Variants in PEDS1 observed in about 807,000 individuals in gnomAD.
PEDS1 encodes CarF homolog.
Under a neutral mutation model 35.2 loss-of-function variants are expected in PEDS1, and 14 were observed. That is an observed-to-expected ratio of 0.40 (90% confidence interval 0.26 to 0.62). The LOEUF is 0.62. Ranked by LOEUF, PEDS1 falls within the 20% of genes least tolerant of loss-of-function variation. The probability of loss-of-function intolerance (pLI) is 0.44; values close to 1 mark genes in which losing one functional copy is unlikely to be tolerated. For missense variants in PEDS1, 260 were observed against 367.8 expected (o/e 0.71, Z 2.40); for synonymous variants, 152 against 152.0 (o/e 1.00, Z 0.00).
In PEDS1 at chr20:50,131,019, C is replaced by A. The variant is rs771360046; in HGVS notation, c.242-72G>T. ...TCAGAATCACTCATTCATTTACTCA[C>A]TTGCCCGCTCATTCATTTGTTAGGA... On this transcript the variant is annotated intron_variant, in intron 2 of 5. Transcript: ENST00000371652. 6.8e-6 allele frequency: 11 copies of A among 1,612,058 alleles called. No individual in the cohort carries two copies. The African/African-American group carries it at 1.2e-4, about 18-fold the overall frequency.
At position 50,119,502 on chromosome 20, in the gene PEDS1, AAAT is replaced by A; in HGVS notation, c.*5553_*5555del. ...AGGTGGAACACTATGCAGCTGTAAA[AAAT>A]AATAATGGTTTGTGAACATTAATGA... On this transcript the variant is annotated 3_prime_UTR_variant, in exon 6 of 6. Transcript: ENST00000371652. 1 of 152,232 alleles carries A rather than the reference AAAT, an allele frequency of 6.6e-6. No homozygotes were observed. The highest frequency in any genetic ancestry group is 6.5e-5 in the Admixed American group (1 of 15,286). The allele number at this position is 152,232 out of a possible 1,614,324, so 9.4% of individuals were successfully genotyped here. A position where few individuals can be genotyped will look rare whatever the true frequency, so the allele number is the denominator to read the frequency against.
rs1428655454 is a variant in PEDS1, at chr20:50,123,070, C to A, written c.*1988G>T. 6.6e-6 allele frequency: 1 copy of A among 152,122 alleles called. No homozygotes were observed. Among genetic ancestry groups the A allele is most frequent in the Admixed American group, 6.6e-5 (1 of 15,258 alleles). The allele number at this position is 152,122 out of a possible 1,614,324, so 9.4% of individuals were successfully genotyped here. A position where few individuals can be genotyped will look rare whatever the true frequency, so the allele number is the denominator to read the frequency against. On this transcript the variant is annotated 3_prime_UTR_variant, in exon 6 of 6. Transcript: ENST00000371652. The stretch of plus-strand genomic sequence containing the variant: ...CACCTCTGCACTTTAGCCTGGGTGA[C>A]AGAGCATGACCCTGTCTCTAAAAAC...
intron 1 of PEDS1, chr20:50,151,156 G>A (rs1006328898): frequency 2.0e-6 from 2 of 990,766 alleles, no homozygotes; most frequent in Non-Finnish European, 2.8e-6. Context: ...GATAGAAGCA[G>A]AGAGGCCAGT....
intron 2 of PEDS1, among the ~76,000 whole-genome samples, chr20:50,134,496 G>A (rs1053833341): frequency 2.0e-5 from 3 of 152,176 alleles, no homozygotes; most frequent in Admixed American, 6.5e-5. Context: ...GCGGTGAGCC[G>A]AGATTTCGCC....
At position 50,124,211 on chromosome 20, in the gene PEDS1, T is replaced by C. The variant is rs1174954337; in HGVS notation, c.*847A>G. 1 of 152,336 alleles carries C rather than the reference T, an allele frequency of 6.6e-6. No homozygotes were observed. Among genetic ancestry groups the C allele is most frequent in the African/African-American group, 2.4e-5 (1 of 41,308 alleles). 9.4% of individuals were successfully genotyped at this position (152,336 alleles called of 1,614,324 possible). ...CTTTGTTATAAATATATTATGTACA[T>C]CCAAAACATGACATTAAAATATTAC... is the stretch of plus-strand genomic sequence containing the variant. On this transcript the variant is annotated 3_prime_UTR_variant, in exon 6 of 6. Transcript: ENST00000371652.
rs1164077414 is a variant in PEDS1 at position 50,125,146 on chromosome 20, A to G, written c.725T>C (p.Phe242Ser). The part of the protein sequence containing the change: ...WLNYPLEKIG[F>S]WRRLEDLIQG... ...GATGAGGTCCTCCAGGCGTCGCCAG[A>G]AGCCTATCTTCTCCAGAGGGTAGTT... Residue 242 changes from phenylalanine (F) to serine (S), a missense_variant, in exon 6 of 6, where the codon TTC becomes TCC. Physicochemically the swap from Phe to Ser is radical, Grantham distance 155. Transcript: ENST00000371652. 1 of 1,614,170 alleles carries G rather than the reference A, an allele frequency of 6.2e-7. No homozygotes were observed. Among genetic ancestry groups the G allele is most frequent in the Non-Finnish European group, 8.5e-7 (1 of 1,179,992 alleles).
At chr20:50,143,466 G>A (rs752522165) in intron 2 of PEDS1, 36 bp downstream of exon 2, 6 of 1,583,196 alleles carry the variant, frequency 3.8e-6, no homozygotes, top group Non-Finnish European at 5.2e-6. Context: ...GGCCCCTAGG[G>A]AAGTTGAGGC....
rs1464395869 is a variant in PEDS1 at position 50,122,233 on chromosome 20, TGTA to T, written c.*2822_*2824del. The T allele has an allele frequency of 6.6e-6, 1 of 152,204 alleles. No individual in the cohort carries two copies. Among genetic ancestry groups the T allele is most frequent in the Non-Finnish European group, 1.5e-5 (1 of 68,034 alleles). 9.4% of individuals were successfully genotyped at this position (152,204 alleles called of 1,614,324 possible). ...CTGCCAAACCTTAATTCAGAACACCTGTAGACTTTTCCGTTTTATGAGCTAATA... is the reference window on the plus strand; with the variant it reads ...CTGCCAAACCTTAATTCAGAACACCTGACTTTTCCGTTTTATGAGCTAATA... On this transcript the variant is annotated 3_prime_UTR_variant, in exon 6 of 6. Coordinates refer to ENST00000371652, the MANE Select transcript of PEDS1 (RefSeq NM_199129.4).
chr20:50,136,544 G>A (rs2081236169), intron 2 of PEDS1, among the ~76,000 whole-genome samples: 1 of 151,982 alleles, frequency 6.6e-6, no homozygotes, highest in African/African-American at 2.4e-5. Context: ...CCAACATGGT[G>A]AAACCCCATC....
At chr20:50,136,379 C>T (rs555149986) in intron 2 of PEDS1, among the ~76,000 whole-genome samples, 22 of 152,270 alleles carry the variant, frequency 1.4e-4, no homozygotes, top group African/African-American at 4.8e-4. Flanking sequence ...CTTCCCATTC[C>T]TTAAGTGTGG....
In PEDS1 at chr20:50,121,822, A is replaced by C. The variant is rs2081053429; in HGVS notation, c.*3236T>G. 6.6e-6 allele frequency: 1 copy of C among 152,266 alleles called. No homozygotes were observed. The highest frequency in any genetic ancestry group is 1.5e-5 in the Non-Finnish European group (1 of 68,132). The allele number at this position is 152,266 out of a possible 1,614,324, so 9.4% of individuals were successfully genotyped here. On this transcript the variant is annotated 3_prime_UTR_variant, in exon 6 of 6. Coordinates refer to ENST00000371652, the MANE Select transcript of PEDS1 (RefSeq NM_199129.4). Reference sequence around the variant, plus strand: ...CTGTCGGCTCCAGGGGAACTGACACAGATTGGTGGGGCCTGGAAACCAACA... The same window carrying C: ...CTGTCGGCTCCAGGGGAACTGACACCGATTGGTGGGGCCTGGAAACCAACA...
intron 2 of PEDS1, among the ~76,000 whole-genome samples, chr20:50,140,792 T>C (rs532898901): frequency 5.9e-5 from 9 of 152,116 alleles, no homozygotes; most frequent in African/African-American, 1.4e-4. Context: ...TCTGGGGAGA[T>C]AGGGGTAGGG....
At chr20:50,151,116 A>T in intron 1 of PEDS1, 1 of 640,792 alleles carries the variant, frequency 1.6e-6, no homozygotes. Context: ...CAGAGAGGTC[A>T]AATACTTCCC....
chr20:50,140,728 T>A (rs999078529), intron 2 of PEDS1, among the ~76,000 whole-genome samples: 3 of 152,210 alleles, frequency 2.0e-5, no homozygotes, highest in African/African-American at 7.2e-5. Flanking sequence ...ACTCGACATC[T>A]TTTCGTGCTT....
chr20:50,153,366 C>G, intron 1 of PEDS1, 151 bp downstream of exon 1: 1 of 1,189,280 alleles, frequency 8.4e-7, no homozygotes, highest in Non-Finnish European at 1.1e-6. Flanking sequence ...GGAAGGGACA[C>G]TGGGGTGGGG....
At chr20:50,133,664 G>C (rs1211065959) in intron 2 of PEDS1, among the ~76,000 whole-genome samples, 1 of 152,226 alleles carries the variant, frequency 6.6e-6, no homozygotes, top group African/African-American at 2.4e-5. Flanking sequence ...CAGATCCCCT[G>C]TGCTGGCTCC....
intron 2 of PEDS1, chr20:50,131,181 G>T: frequency 1.0e-6 from 1 of 994,512 alleles, no homozygotes; most frequent in Non-Finnish European, 1.5e-6. Flanking sequence ...AGTCTGGAGA[G>T]CATAAACTGG....
In PEDS1 at chr20:50,121,845, A is replaced by G. The variant is rs576548733; in HGVS notation, c.*3213T>C. 6.6e-6 allele frequency: 1 copy of G among 152,254 alleles called. No homozygotes were observed. Among genetic ancestry groups the G allele is most frequent in the East Asian group, 1.9e-4 (1 of 5,184 alleles). 9.4% of individuals were successfully genotyped at this position (152,254 alleles called of 1,614,324 possible). ...ACAGATTGGTGGGGCCTGGAAACCA[A>G]CACCACAGTGGTGAGGCTACTCCTA... On this transcript the variant is annotated 3_prime_UTR_variant, in exon 6 of 6. Transcript: ENST00000371652.
Position 50,135,658 on chromosome 20 carries a change from C to CAAAAA in PEDS1, c.242-4716_242-4712dup, listed in dbSNP as rs34069451. Among the ~76,000 whole-genome samples, 92 of 37,716 alleles carry CAAAAA rather than the reference C, an allele frequency of 2.4e-3. 2 individuals carry two copies. The highest frequency in any genetic ancestry group is 5.2e-3 in the African/African-American group (47 of 8,998). 24.7% of individuals were successfully genotyped at this position (37,716 alleles called of 152,430 possible). ...GGGCAACAAGAGCAAAACTCCATCTCAAAAAAAAAAAAAAAAAAAAAAAAG... is the reference window on the plus strand; with the variant it reads ...GGGCAACAAGAGCAAAACTCCATCTCAAAAAAAAAAAAAAAAAAAAAAAAAAAAAG... On this transcript the variant is annotated intron_variant, in intron 2 of 5. Transcript: ENST00000371652.
Sources: allele counts gnomAD v4.1 joint callset (sites outside exome capture counted in the v4.1 genomes callset), GRCh38; gene constraint gnomAD v4.1.1; transcripts MANE v1.5; gene names NCBI Gene and HGNC (gene_info 2026-07-23, HGNC 2026-07-21).